The following GALNS variants were observed in gnomAD, a reference collection of about 807,000 sequenced individuals.
The protein encoded by GALNS is N-acetylgalactosamine-6-sulfatase.
A neutral mutation model predicts 65.9 loss-of-function variants in GALNS; 65 were observed. The observed-to-expected ratio is 0.99, with a 90% CI of 0.81 to 1.21. The LOEUF (loss-of-function observed/expected upper bound fraction) is 1.21. GALNS is among the 50% of genes most tolerant of loss of function. The pLI, the probability that GALNS is intolerant of heterozygous loss-of-function variation, is 0.00. For synonymous variants in GALNS, 346 were observed against 288.9 expected (o/e 1.20, Z -2.00); for missense variants, 776 against 700.7 (o/e 1.11, Z -1.21).
At chr16:88,848,588 G>A (rs898530530) in intron 1 of GALNS, among the ~76,000 whole-genome samples, 7 of 147,422 alleles carry the variant, frequency 4.7e-5, no homozygotes, top group African/African-American at 1.3e-4. Flanking sequence ...AAAAAAAAAG[G>A]AAGTGCGGGC....
At chr16:88,824,939 C>T in intron 10 of GALNS, 70 bp from the exon 11 acceptor site, 4 of 1,240,566 alleles carry the variant, frequency 3.2e-6, no homozygotes, top group Non-Finnish European at 3.5e-6. Flanking sequence ...AGGCTCTGGG[C>T]TGCGTCTGTC....
chr16:88,833,043 A>G (rs866994713), intron 8 of GALNS, among the ~76,000 whole-genome samples: 1 of 138,908 alleles, frequency 7.2e-6, no homozygotes, highest in Non-Finnish European at 1.5e-5. Context: ...GCGCCACTGC[A>G]CTCCAGCCTG....
At chr16:88,847,355 A>G (rs1967295043) in intron 1 of GALNS, among the ~76,000 whole-genome samples, 1 of 151,946 alleles carries the variant, frequency 6.6e-6, no homozygotes, top group African/African-American at 2.4e-5. Context: ...TAGGTAACAG[A>G]CAGAGAACCC....
intron 2 of GALNS, chr16:88,842,174 G>A (rs1416851092): frequency 3.0e-6 from 2 of 661,344 alleles, no homozygotes; most frequent in African/African-American, 3.5e-5. Flanking sequence ...AAAGACGCGT[G>A]GCCCTTGGGC....
chr16:88,843,161 T>A (rs1462302059), intron 1 of GALNS: 3 of 1,401,410 alleles, frequency 2.1e-6, no homozygotes, highest in Non-Finnish European at 2.8e-6. Flanking sequence ...GACACCAGCA[T>A]CTGCATGCTC....
At chr16:88,851,867 G>A (rs922316235) in intron 1 of GALNS, among the ~76,000 whole-genome samples, 5 of 152,214 alleles carry the variant, frequency 3.3e-5, no homozygotes, top group African/African-American at 7.2e-5. Flanking sequence ...AGCTCGAACC[G>A]GGCAGAGCCC....
intron 13 of GALNS, chr16:88,817,446 G>GT (rs1909747978): frequency 1.0e-6 from 1 of 985,346 alleles, no homozygotes; most frequent in Non-Finnish European, 1.2e-6. Context: ...CTGATGCGAA[G>GT]GTCTCTGGGG....
chr16:88,816,747 AGCG>A, intron 13 of GALNS: 1 of 985,368 alleles, frequency 1.0e-6, no homozygotes, highest in Non-Finnish European at 1.2e-6. Flanking sequence ...GCGGGCACCC[AGCG>A]GCTCCCACGC....
chr16:88,852,051 C>T (rs375976274), intron 1 of GALNS, among the ~76,000 whole-genome samples: 17 of 152,350 alleles, frequency 1.1e-4, no homozygotes, highest in African/African-American at 3.8e-4. Flanking sequence ...GACACATTGC[C>T]TCCTCAAGTG....
At chr16:88,845,858 T>C (rs1355889996) in intron 1 of GALNS, among the ~76,000 whole-genome samples, 2 of 146,590 alleles carry the variant, frequency 1.4e-5, no homozygotes, top group East Asian at 3.9e-4. Flanking sequence ...TGTGGTGGTG[T>C]GTACCTGTGG....
chr16:88,817,896 G>A (rs1484627280), intron 13 of GALNS, 111 bp downstream of exon 13: 2 of 934,428 alleles, frequency 2.1e-6, no homozygotes, highest in Non-Finnish European at 3.3e-6. Context: ...ACTGACGGAG[G>A]CGGGGAAGCA....
In GALNS at chr16:88,836,058, C is replaced by T. The variant is rs574563613; in HGVS notation, c.633+143G>A. The T allele has an allele frequency of 1.7e-5, 19 of 1,088,864 alleles. 1 individual carries two copies. In the East Asian group the frequency reaches 2.1e-4, roughly 12 times the overall value. The allele number at this position is 1,088,864 out of a possible 1,614,324, so 67.5% of individuals were successfully genotyped here. ...CCCCGTCCCCACGCGTCCCACGGGGCGAGGGTGATGAGGTCCCTGAACCCA... is the reference window on the plus strand; with the variant it reads ...CCCCGTCCCCACGCGTCCCACGGGGTGAGGGTGATGAGGTCCCTGAACCCA... On this transcript the variant is annotated intron_variant, in intron 6 of 13. Transcript: ENST00000268695.
Position 88,847,215 on chromosome 16 carries a change from C to CA in GALNS, c.121-4387dup, listed in dbSNP as rs552308819. ...GTGAGACCCCATCTCTATAAAAAATCAAAAAATCAGCTGGGCATGGTGGCA... is the reference window on the plus strand; with the variant it reads ...GTGAGACCCCATCTCTATAAAAAATCAAAAAAATCAGCTGGGCATGGTGGCA... On this transcript the variant is annotated intron_variant, in intron 1 of 13. Coordinates refer to ENST00000268695, the MANE Select transcript of GALNS (RefSeq NM_000512.5). Among the ~76,000 whole-genome samples, 199 of 152,014 alleles carry CA rather than the reference C, an allele frequency of 1.3e-3. 1 individual carries two copies. Among genetic ancestry groups the CA allele is most frequent in the African/African-American group, 4.4e-3 (183 of 41,458 alleles).
chr16:88,835,179 G>C, intron 8 of GALNS, 34 bp downstream of exon 8: 2 of 1,557,222 alleles, frequency 1.3e-6, no homozygotes, highest in South Asian at 2.4e-5. Flanking sequence ...CGCTGGCTGT[G>C]GGGAAACCGT....
intron 1 of GALNS, among the ~76,000 whole-genome samples, chr16:88,852,953 T>A (rs1179392085): frequency 6.1e-5 from 9 of 148,486 alleles, no homozygotes; most frequent in Admixed American, 6.0e-4. Flanking sequence ...AGACCTTGTC[T>A]CAAAAAAAAA....
At chr16:88,836,061 G>T in intron 6 of GALNS, 140 bp downstream of exon 6, 1 of 1,099,678 alleles carries the variant, frequency 9.1e-7, no homozygotes, top group Non-Finnish European at 1.3e-6. Flanking sequence ...CACGGGGCGA[G>T]GGTGATGAGG....
chr16:88,815,624 A>G (rs527933764), intron 13 of GALNS: 1 of 985,476 alleles, frequency 1.0e-6, no homozygotes, highest in East Asian at 1.1e-4. Context: ...CATCCAGGCC[A>G]CTTCTGTGCC....
At chr16:88,843,681 G>C (rs113579996) in intron 1 of GALNS, 1 of 162,944 alleles carries the variant, frequency 6.1e-6, no homozygotes, top group East Asian at 1.7e-4. Context: ...GAGAGCCTGA[G>C]GGGGAGGGGC....
Position 88,836,321 on chromosome 16 carries a change from G to A in GALNS, c.567-54C>T, listed in dbSNP as rs989765566. 93 of 1,417,476 alleles carry A rather than the reference G, an allele frequency of 6.6e-5. 5 individuals are homozygous for A. Among genetic ancestry groups the A allele is most frequent in the African/African-American group, 1.4e-5 (1 of 70,762 alleles). The allele number at this position is 1,417,476 out of a possible 1,614,324, so 87.8% of individuals were successfully genotyped here. A position where few individuals can be genotyped will look rare whatever the true frequency, so the allele number is the denominator to read the frequency against. ...TCAGAATTTAGGCCAAGAAAGTCCCGTTCTCCCTGATTTCACCAGCAAAGC... is the reference window on the plus strand; with the variant it reads ...TCAGAATTTAGGCCAAGAAAGTCCCATTCTCCCTGATTTCACCAGCAAAGC... On this transcript the variant is annotated intron_variant, in intron 5 of 13. Coordinates refer to ENST00000268695, the MANE Select transcript of GALNS (RefSeq NM_000512.5).
Sources: allele counts gnomAD v4.1 joint callset (sites outside exome capture counted in the v4.1 genomes callset), GRCh38; gene constraint gnomAD v4.1.1; transcripts MANE v1.5; gene names NCBI Gene and HGNC (gene_info 2026-07-23, HGNC 2026-07-21).